Variants in NRG3 observed in about 807,000 individuals in gnomAD.
NRG3 encodes pro-neuregulin-3, membrane-bound isoform.
In NRG3, 31 loss-of-function variants were observed where a neutral mutation model predicts 66.9. That is an observed-to-expected ratio of 0.46 (90% CI 0.35 to 0.63). The LOEUF is 0.63. Among genes scored for constraint, NRG3 ranks in the 20% least tolerant of loss-of-function variants. The probability of loss-of-function intolerance (pLI) is 0.00; values close to 1 mark genes in which losing one functional copy is unlikely to be tolerated. For synonymous variants in NRG3, 393 were observed against 359.4 expected (o/e 1.09, Z -1.06); for missense variants, 910 against 878.9 (o/e 1.04, Z -0.45).
chr10:82,365,757 C>A (rs1366282193), intron 2 of NRG3, among the ~76,000 whole-genome samples: 2 of 151,834 alleles, frequency 1.3e-5, no homozygotes, highest in Non-Finnish European at 2.9e-5. Flanking sequence ...AGTTATTAGC[C>A]AAAGATTACT....
chr10:82,972,371 A>G (rs964054639), intron 6 of NRG3, among the ~76,000 whole-genome samples: 1 of 151,962 alleles, frequency 6.6e-6, no homozygotes, highest in East Asian at 1.9e-4. Context: ...TTTTCTTATC[A>G]ATATCTTCCA....
intron 1 of NRG3, among the ~76,000 whole-genome samples, chr10:81,931,009 T>G: frequency 6.6e-6 from 1 of 152,176 alleles, no homozygotes; most frequent in Admixed American, 6.5e-5. Flanking sequence ...GTTAAACTTC[T>G]ATAGTCCCTG....
chr10:82,660,670 A>G (rs953543945), intron 2 of NRG3, among the ~76,000 whole-genome samples: 1 of 152,230 alleles, frequency 6.6e-6, no homozygotes, highest in African/African-American at 2.4e-5. Context: ...ATTTCTGCTC[A>G]GGATCTTTAC....
At chr10:82,545,632 C>A (rs1202850835) in intron 2 of NRG3, among the ~76,000 whole-genome samples, 1 of 151,910 alleles carries the variant, frequency 6.6e-6, no homozygotes, top group African/African-American at 2.4e-5. Flanking sequence ...CCGCCCGCCT[C>A]GGCCTCCCAA....
At chr10:82,176,153 G>A (rs1403572986) in intron 1 of NRG3, among the ~76,000 whole-genome samples, 1 of 152,154 alleles carries the variant, frequency 6.6e-6, no homozygotes, top group Non-Finnish European at 1.5e-5. Flanking sequence ...CTTCAAGTTT[G>A]TCTATACTGC....
intron 1 of NRG3, among the ~76,000 whole-genome samples, chr10:81,988,783 G>T (rs77685544): frequency 6.6e-6 from 1 of 152,080 alleles, no homozygotes; most frequent in African/African-American, 2.4e-5. Context: ...AAGGAGCAGA[G>T]AACTTGTGGT....
intron 2 of NRG3, among the ~76,000 whole-genome samples, chr10:82,557,562 C>G (rs2044733431): frequency 1.3e-5 from 2 of 152,000 alleles, no homozygotes; most frequent in Admixed American, 1.3e-4. Context: ...CACATGTTTT[C>G]TCCCATTCTC....
chr10:82,244,297 C>T (rs1230040458), intron 1 of NRG3, among the ~76,000 whole-genome samples: 2 of 152,092 alleles, frequency 1.3e-5, no homozygotes, highest in South Asian at 4.1e-4. Flanking sequence ...CTTAATCTAC[C>T]AGTTAAATTC....
chr10:82,407,193 A>G (rs2087586317), intron 2 of NRG3, among the ~76,000 whole-genome samples: 2 of 152,206 alleles, frequency 1.3e-5, no homozygotes, highest in African/African-American at 2.4e-5. Context: ...AGGATCCATC[A>G]TTAGACATAA....
intron 1 of NRG3, among the ~76,000 whole-genome samples, chr10:82,355,826 C>CT (rs2083742304): frequency 6.6e-6 from 1 of 152,014 alleles, no homozygotes; most frequent in Non-Finnish European, 1.5e-5. Context: ...TAGGTATATT[C>CT]TAAGGTTTCA....
chr10:82,543,408 A>G (rs964861217), intron 2 of NRG3, among the ~76,000 whole-genome samples: 2 of 152,204 alleles, frequency 1.3e-5, no homozygotes, highest in African/African-American at 4.8e-5. Context: ...CTATTTTTGT[A>G]AATTCAAGAT....
intron 1 of NRG3, among the ~76,000 whole-genome samples, chr10:82,050,568 C>G (rs188101789): frequency 6.6e-6 from 1 of 152,050 alleles, no homozygotes; most frequent in African/African-American, 2.4e-5. Flanking sequence ...GCTACCTGCT[C>G]TCAGACTGGT....
At chr10:81,878,742 A>G (rs1589324426) in intron 1 of NRG3, among the ~76,000 whole-genome samples, 1 of 152,206 alleles carries the variant, frequency 6.6e-6, no homozygotes, top group South Asian at 2.1e-4. Flanking sequence ...TACTTGAAAA[A>G]AGGTTAAGGA....
At chr10:82,606,671 T>C (rs2047985222) in intron 2 of NRG3, among the ~76,000 whole-genome samples, 1 of 152,176 alleles carries the variant, frequency 6.6e-6, no homozygotes. Context: ...TGGTACACTT[T>C]GACCCACTTC....
chr10:82,612,624 A>G (rs2048385099), intron 2 of NRG3, among the ~76,000 whole-genome samples: 1 of 152,122 alleles, frequency 6.6e-6, no homozygotes, highest in African/African-American at 2.4e-5. Context: ...TTTAAAATGA[A>G]TGTCTTTTTT....
At chr10:82,087,298 C>T (rs1016041189) in intron 1 of NRG3, among the ~76,000 whole-genome samples, 1 of 152,052 alleles carries the variant, frequency 6.6e-6, no homozygotes, top group Non-Finnish European at 1.5e-5. Flanking sequence ...TAGTCACATC[C>T]CTTCATTCAG....
At chr10:82,843,142 A>C (rs923461977) in intron 3 of NRG3, 1 of 403,242 alleles carries the variant, frequency 2.5e-6, no homozygotes, top group Admixed American at 2.6e-5. Context: ...AGACTCTGAA[A>C]CATGCTTATT....
chr10:82,593,443 T>C (rs2047096457), intron 2 of NRG3, among the ~76,000 whole-genome samples: 1 of 152,188 alleles, frequency 6.6e-6, no homozygotes, highest in Non-Finnish European at 1.5e-5. Context: ...GCTACCTTTA[T>C]TTATAAAGAA....
chr10:82,846,231 C>T (rs1251354358), intron 3 of NRG3, among the ~76,000 whole-genome samples: 1 of 151,930 alleles, frequency 6.6e-6, no homozygotes, highest in East Asian at 1.9e-4. Context: ...TTTTTCTAAC[C>T]AGTGGATTTT....
Sources: gnomAD v4.1 joint callset for allele counts (sites outside exome capture counted in the v4.1 genomes callset) on GRCh38, gnomAD v4.1.1 for gene constraint, MANE v1.5 for transcripts, NCBI Gene and HGNC (gene_info 2026-07-23, HGNC 2026-07-21) for gene names.